TULP4: variants seen among roughly 807,000 people sequenced by gnomAD.
The protein encoded by TULP4 is tubby-related protein 4.
A neutral mutation model predicts 129.0 loss-of-function variants in TULP4; 16 were observed. The observed-to-expected ratio is 0.12, with a 90% CI of 0.08 to 0.19. TULP4 has a LOEUF of 0.19. Ranked by LOEUF, TULP4 falls within the 10% of genes least tolerant of loss-of-function variation. The pLI is 1.00. For missense variants in TULP4, 1,842 were observed against 2,059.1 expected (o/e 0.89, Z 2.04); for synonymous variants, 998 against 854.0 (o/e 1.17, Z -2.94).
At chr6:158,237,463 C>T (rs911825425) in intron 1 of TULP4, 1 of 1,544,686 alleles carries the variant, frequency 6.5e-7, no homozygotes, top group Non-Finnish European at 8.9e-7. Flanking sequence ...TGTCGCTGCA[C>T]TGCCAGGTCT....
intron 1 of TULP4, among the ~76,000 whole-genome samples, chr6:158,305,480 G>A (rs1367444327): frequency 6.6e-6 from 1 of 151,638 alleles, no homozygotes; most frequent in Non-Finnish European, 1.5e-5. Context: ...TGGGAAGATT[G>A]CCTGAGCCCA....
chr6:158,506,553 C>G, intron 13 of TULP4, 25 bp from the exon 14 acceptor site: 3 of 1,495,102 alleles, frequency 2.0e-6, no homozygotes, highest in Non-Finnish European at 1.9e-6. Flanking sequence ...TCTTTAATGT[C>G]TTTGCTTCCC....
intron 3 of TULP4, among the ~76,000 whole-genome samples, chr6:158,436,756 G>A (rs1021138631): frequency 1.3e-5 from 2 of 152,198 alleles, no homozygotes; most frequent in East Asian, 1.9e-4. Flanking sequence ...AATCCGGGCT[G>A]GTAAGTATTA....
At chr6:158,368,349 C>T (rs1776989681) in intron 1 of TULP4, among the ~76,000 whole-genome samples, 1 of 152,124 alleles carries the variant, frequency 6.6e-6, no homozygotes, top group Admixed American at 6.6e-5. Context: ...GTCACCCAGG[C>T]TGGAGTGCAG....
intron 1 of TULP4, among the ~76,000 whole-genome samples, chr6:158,315,122 A>G (rs1343569890): frequency 6.6e-6 from 1 of 152,206 alleles, no homozygotes; most frequent in East Asian, 1.9e-4. Flanking sequence ...ATGGTTATTA[A>G]ATAGCTACTG....
At chr6:158,369,280 G>C (rs1777016804) in intron 1 of TULP4, among the ~76,000 whole-genome samples, 1 of 152,090 alleles carries the variant, frequency 6.6e-6, no homozygotes, top group Admixed American at 6.5e-5. Flanking sequence ...GATCGCTTGA[G>C]CCTAGGAGTT....
In TULP4 at chr6:158,502,566, T is replaced by G; in HGVS notation, c.2903T>G (p.Leu968Arg). ...CCGTATCCTGAAATTGCCAGCCAGCTGGCCCAGGGGCGGGGGGCTGCCCAG... is the reference window on the plus strand; with the variant it reads ...CCGTATCCTGAAATTGCCAGCCAGCGGGCCCAGGGGCGGGGGGCTGCCCAG... ...PPPYPEIASQ[L>R]AQGRGAAQRS... Residue 968 changes from leucine (L) to arginine (R), a missense_variant, in exon 13 of 14, where the codon CTG becomes CGG. Leu to Arg is a moderately radical substitution (Grantham distance 102). Coordinates refer to ENST00000367097, the MANE Select transcript of TULP4 (RefSeq NM_020245.5). The G allele has an allele frequency of 6.2e-7, 1 of 1,606,144 alleles. No individual in the cohort carries two copies. The highest frequency in any genetic ancestry group is 1.7e-5 in the Admixed American group (1 of 60,008).
chr6:158,498,939 C>T, intron 12 of TULP4, 127 bp downstream of exon 12: 1 of 1,183,508 alleles, frequency 8.4e-7, no homozygotes, highest in Non-Finnish European at 1.2e-6. Context: ...ATCCCTGCCT[C>T]AGTAAGGTTG....
chr6:158,394,628 A>C (rs368036776), intron 1 of TULP4, among the ~76,000 whole-genome samples: 10 of 147,400 alleles, frequency 6.8e-5, no homozygotes, highest in African/African-American at 2.5e-4. Context: ...CTAAAAATAC[A>C]AAAAAAAAAT....
At chr6:158,246,337 A>C (rs536064357) in intron 1 of TULP4, among the ~76,000 whole-genome samples, 1 of 152,022 alleles carries the variant, frequency 6.6e-6, no homozygotes, top group African/African-American at 2.4e-5. Flanking sequence ...AAAATACAAA[A>C]AAGGATTAGC....
intron 3 of TULP4, among the ~76,000 whole-genome samples, chr6:158,446,394 C>A (rs2115121905): frequency 6.6e-6 from 1 of 152,124 alleles, no homozygotes; most frequent in Admixed American, 6.5e-5. Context: ...TGGGGCCTGC[C>A]CTTTTTGTTC....
intron 1 of TULP4, among the ~76,000 whole-genome samples, chr6:158,320,271 C>G (rs1434737595): frequency 6.6e-6 from 1 of 151,896 alleles, no homozygotes; most frequent in South Asian, 2.1e-4. Context: ...AATAGGTGGG[C>G]AGGTATGTCA....
In TULP4 at chr6:158,509,333, A is replaced by T. The variant is rs9347235; in HGVS notation, c.*2639A>T. On this transcript the variant is annotated 3_prime_UTR_variant, in exon 14 of 14. Coordinates refer to ENST00000367097, the MANE Select transcript of TULP4 (RefSeq NM_020245.5). ...TTTTTTGAGATAACACTCAAATAGT[A>T]TTCTCTTCTTTTGAAAATTTTATTT... The T allele has an allele frequency of 6.6e-6, 1 of 151,950 alleles. No individual in the cohort carries two copies. The highest frequency in any genetic ancestry group is 2.4e-5 in the African/African-American group (1 of 41,388). 9.4% of individuals were successfully genotyped at this position (151,950 alleles called of 1,614,324 possible).
At chr6:158,436,561 C>G (rs1447560560) in intron 3 of TULP4, among the ~76,000 whole-genome samples, 1 of 152,184 alleles carries the variant, frequency 6.6e-6, no homozygotes, top group Non-Finnish European at 1.5e-5. Flanking sequence ...GTTTAGAAGG[C>G]AGTTGTTTTT....
At chr6:158,251,648 T>C (rs1778143496) in intron 1 of TULP4, among the ~76,000 whole-genome samples, 1 of 152,216 alleles carries the variant, frequency 6.6e-6, no homozygotes. Flanking sequence ...TCTTTGGATA[T>C]GTGAGTCTCT....
At chr6:158,494,605 T>C (rs1040822273) in intron 10 of TULP4, 148 bp from the exon 11 acceptor site, 50 of 713,840 alleles carry the variant, frequency 7.0e-5, no homozygotes, top group Non-Finnish European at 1.0e-4. Flanking sequence ...CTTCTGATCT[T>C]GCAAATGGTA....
chr6:158,243,154 G>A (rs1006387630), intron 1 of TULP4, among the ~76,000 whole-genome samples: 1 of 152,076 alleles, frequency 6.6e-6, no homozygotes, highest in African/African-American at 2.4e-5. Context: ...ATCTTGCCCA[G>A]CTTTGGCAAT....
intron 1 of TULP4, among the ~76,000 whole-genome samples, 153 bp downstream of exon 1, chr6:158,314,421 A>AAGATGC (rs11282895): frequency 0.86 from 130,487 of 151,658 alleles, 56,566 homozygotes; most frequent in South Asian, 0.93. Flanking sequence ...TCTGGCAGAA[A>AAGATGC]AGATGCTAAG....
intron 1 of TULP4, among the ~76,000 whole-genome samples, chr6:158,294,660 C>T (rs1778998554): frequency 6.6e-6 from 1 of 152,102 alleles, no homozygotes; most frequent in African/African-American, 2.4e-5. Flanking sequence ...AAATTCTCCT[C>T]CTCCTCCTCT....
Sources: gnomAD v4.1 joint callset for allele counts (sites outside exome capture counted in the v4.1 genomes callset) on GRCh38, gnomAD v4.1.1 for gene constraint, MANE v1.5 for transcripts, NCBI Gene and HGNC (gene_info 2026-07-23, HGNC 2026-07-21) for gene names.